The following TBC1D5 variants were observed in gnomAD, a reference collection of about 807,000 sequenced individuals.
The protein encoded by TBC1D5 is TBC1 domain family, member 5.
In TBC1D5, 75 loss-of-function variants were observed where a neutral mutation model predicts 100.3. The ratio of observed to expected loss-of-function variants is 0.75; its 90% CI spans 0.62 to 0.91. The LOEUF is 0.91. TBC1D5 is among the 40% of genes least tolerant of loss of function. The pLI is 0.00. For missense variants in TBC1D5, 910 were observed against 942.4 expected (o/e 0.97, Z 0.45); for synonymous variants, 323 against 325.6 (o/e 0.99, Z 0.09).
intron 2 of TBC1D5, among the ~76,000 whole-genome samples, chr3:17,621,297 C>T (rs751245564): frequency 6.6e-6 from 1 of 152,104 alleles, no homozygotes; most frequent in Non-Finnish European, 1.5e-5. Context: ...CTACCTCTGT[C>T]CTCTAAAAGG....
chr3:17,697,040 G>A (rs1033308749), intron 1 of TBC1D5, among the ~76,000 whole-genome samples: 12 of 152,248 alleles, frequency 7.9e-5, no homozygotes, highest in East Asian at 7.7e-4. Flanking sequence ...AAAGGCCTTC[G>A]ACAAAATTCA....
rs752246439 is a variant in TBC1D5, at chr3:17,166,742, A to G, written c.2094+25T>C. 2.8e-5 allele frequency: 45 copies of G among 1,592,382 alleles called. No homozygotes were observed. The East Asian group carries it at 8.3e-4, about 29-fold the overall frequency. On this transcript the variant is annotated intron_variant, in intron 21 of 21. Transcript: ENST00000253692. The stretch of plus-strand genomic sequence containing the variant: ...GAATGTGCTCCCTTTGAGTTAATGT[A>G]ACATGTTCCTCAGAGTTTCTGTACC...
intron 4 of TBC1D5, among the ~76,000 whole-genome samples, chr3:17,413,234 G>C (rs2093983724): frequency 6.6e-6 from 1 of 152,198 alleles, no homozygotes; most frequent in African/African-American, 2.4e-5. Flanking sequence ...AATGTTAATA[G>C]ATCAGTACTG....
At chr3:17,169,710 A>G (rs907917538) in intron 19 of TBC1D5, among the ~76,000 whole-genome samples, 1 of 152,226 alleles carries the variant, frequency 6.6e-6, no homozygotes, top group Non-Finnish European at 1.5e-5. Flanking sequence ...ACAAAATAGA[A>G]TTCATTCAAC....
At chr3:17,509,969 A>C (rs184104220) in intron 2 of TBC1D5, among the ~76,000 whole-genome samples, 1 of 152,144 alleles carries the variant, frequency 6.6e-6, no homozygotes, top group Admixed American at 6.5e-5. Flanking sequence ...TATGTCCCTA[A>C]GATGCAAATT....
chr3:17,642,214 G>A (rs1375855781), intron 1 of TBC1D5, among the ~76,000 whole-genome samples: 1 of 151,936 alleles, frequency 6.6e-6, no homozygotes, highest in African/African-American at 2.4e-5. Flanking sequence ...TTAACTGAGG[G>A]TGACCATTGT....
intron 3 of TBC1D5, among the ~76,000 whole-genome samples, chr3:17,491,611 T>C (rs1399671140): frequency 1.3e-5 from 2 of 152,244 alleles, no homozygotes; most frequent in Admixed American, 1.3e-4. Context: ...ATTACATTTA[T>C]TGACTTGCAT....
intron 15 of TBC1D5, among the ~76,000 whole-genome samples, chr3:17,284,145 T>C (rs1447692042): frequency 1.4e-5 from 2 of 142,310 alleles, no homozygotes; most frequent in African/African-American, 2.7e-5. Context: ...TTAGACAGAG[T>C]CTTGGTCTGT....
chr3:17,242,894 G>C (rs1481341268), intron 16 of TBC1D5, among the ~76,000 whole-genome samples: 1 of 152,046 alleles, frequency 6.6e-6, no homozygotes, highest in African/African-American at 2.4e-5. Flanking sequence ...AGACAGTATG[G>C]TTCACTAAAA....
intron 1 of TBC1D5, among the ~76,000 whole-genome samples, chr3:17,676,038 G>T (rs1057026705): frequency 6.6e-6 from 1 of 151,878 alleles, no homozygotes; most frequent in Non-Finnish European, 1.5e-5. Context: ...CCATTACAAT[G>T]AAACTCTCAT....
intron 4 of TBC1D5, among the ~76,000 whole-genome samples, chr3:17,415,636 T>A (rs944330209): frequency 5.3e-5 from 8 of 152,100 alleles, no homozygotes; most frequent in African/African-American, 1.9e-4. Flanking sequence ...TTTTCACTTT[T>A]AATTGTATTA....
intron 13 of TBC1D5, among the ~76,000 whole-genome samples, chr3:17,362,641 T>G (rs2091822247): frequency 6.6e-6 from 1 of 152,092 alleles, no homozygotes; most frequent in South Asian, 2.1e-4. Context: ...ATGACTAAGT[T>G]TTGTATGTTT....
chr3:17,719,230 C>G (rs1302350516), intron 1 of TBC1D5, among the ~76,000 whole-genome samples: 5 of 152,172 alleles, frequency 3.3e-5, no homozygotes, highest in Middle Eastern at 3.2e-3. Flanking sequence ...ACCATACACA[C>G]TGACAAACCA....
intron 2 of TBC1D5, among the ~76,000 whole-genome samples, chr3:17,545,421 C>CT (rs1394012712): frequency 6.6e-6 from 1 of 152,180 alleles, no homozygotes; most frequent in Non-Finnish European, 1.5e-5. Flanking sequence ...AGCATAAACT[C>CT]TGTTGTTTAA....
At chr3:17,730,390 T>C (rs2076461226) in intron 1 of TBC1D5, among the ~76,000 whole-genome samples, 1 of 152,208 alleles carries the variant, frequency 6.6e-6, no homozygotes, top group Non-Finnish European at 1.5e-5. Flanking sequence ...TTAAGGGGAC[T>C]AGGTTTTTCC....
intron 2 of TBC1D5, among the ~76,000 whole-genome samples, chr3:17,566,319 T>G (rs2096593424): frequency 6.6e-6 from 1 of 151,838 alleles, no homozygotes; most frequent in South Asian, 2.1e-4. Context: ...ATTTTATTTC[T>G]AAAAACTGAT....
At chr3:17,340,111 GC>G (rs2088625924) in intron 13 of TBC1D5, among the ~76,000 whole-genome samples, 1 of 152,158 alleles carries the variant, frequency 6.6e-6, no homozygotes, top group Non-Finnish European at 1.5e-5. Flanking sequence ...GCAGCTCAGA[GC>G]TCCCCAGATG....
chr3:17,457,987 TTTC>T (rs1465397219), intron 3 of TBC1D5, among the ~76,000 whole-genome samples: 1 of 152,210 alleles, frequency 6.6e-6, no homozygotes, highest in African/African-American at 2.4e-5. Flanking sequence ...AAAATATTTC[TTTC>T]TTCATTTTCA....
intron 1 of TBC1D5, among the ~76,000 whole-genome samples, chr3:17,665,584 T>C (rs141159761): frequency 6.6e-6 from 1 of 152,276 alleles, no homozygotes; most frequent in East Asian, 1.9e-4. Flanking sequence ...GCTAATTTGG[T>C]TTCTTGCTTG....
Sources: allele counts gnomAD v4.1 joint callset (sites outside exome capture counted in the v4.1 genomes callset), GRCh38; gene constraint gnomAD v4.1.1; transcripts MANE v1.5; gene names NCBI Gene and HGNC (gene_info 2026-07-23, HGNC 2026-07-21).